Variants in SPATA6L observed in about 807,000 individuals in gnomAD.
SPATA6L encodes spermatogenesis associated 6-like protein.
In SPATA6L, 68 loss-of-function variants were observed where a neutral mutation model predicts 49.2. The ratio of observed to expected loss-of-function variants is 1.38; its 90% CI spans 1.14 to 1.69. The LOEUF (loss-of-function observed/expected upper bound fraction) is 1.69. SPATA6L is among the 40% of genes most tolerant of loss of function. SPATA6L has a pLI of 0.00. For missense variants in SPATA6L, 668 were observed against 464.3 expected (o/e 1.44, Z -4.03); for synonymous variants, 198 against 165.7 (o/e 1.19, Z -1.50).
chr9:4,615,670 C>A (rs1827809326), intron 9 of SPATA6L, among the ~76,000 whole-genome samples: 1 of 152,170 alleles, frequency 6.6e-6, no homozygotes, highest in Non-Finnish European at 1.5e-5. Context: ...AGGTACCTAC[C>A]ACAATCTATC....
chr9:4,639,115 C>A (rs1483813842), intron 3 of SPATA6L, among the ~76,000 whole-genome samples: 1 of 152,146 alleles, frequency 6.6e-6, no homozygotes, highest in Non-Finnish European at 1.5e-5. Flanking sequence ...AATGACAAAG[C>A]CATGTAGAAT....
At chr9:4,636,008 A>G (rs750655583) in intron 3 of SPATA6L, among the ~76,000 whole-genome samples, 2 of 152,234 alleles carry the variant, frequency 1.3e-5, no homozygotes, top group African/African-American at 2.4e-5. Flanking sequence ...TTCTGCAAAC[A>G]TTCTTGCAGG....
downstream of SPATA6L, among the ~76,000 whole-genome samples, chr9:4,593,856 G>A (rs2129951685): frequency 6.6e-6 from 1 of 152,064 alleles, no homozygotes; most frequent in Admixed American, 6.6e-5. Flanking sequence ...CCTTACTGTG[G>A]GTCTCATCTC....
intron 3 of SPATA6L, among the ~76,000 whole-genome samples, chr9:4,638,171 G>C (rs1833186503): frequency 6.9e-6 from 1 of 144,954 alleles, no homozygotes; most frequent in Admixed American, 6.8e-5. Flanking sequence ...AAGAGATAGA[G>C]AGGCTAGGAA....
intron 7 of SPATA6L, among the ~76,000 whole-genome samples, chr9:4,620,737 T>C (rs1298230065): frequency 6.6e-6 from 1 of 152,160 alleles, no homozygotes; most frequent in Non-Finnish European, 1.5e-5. Context: ...GTTCTCCACA[T>C]GCCAGGATTA....
rs373816356 is a variant in SPATA6L, at chr9:4,620,522, C to G, written c.773-1624G>C. 1.5e-4 allele frequency among the ~76,000 whole-genome samples: 23 copies of G among 152,318 alleles called. No homozygotes were observed. In the East Asian group the frequency reaches 1.5e-3, roughly 10 times the overall value. On this transcript the variant is annotated intron_variant, in intron 7 of 11. Transcript: ENST00000682582. Reference sequence around the variant, plus strand: ...ACAAGAGCCCCAGGTGATTCAACTGCACATTCAGGTTTGAGAAGCACTGCT... The same window carrying G: ...ACAAGAGCCCCAGGTGATTCAACTGGACATTCAGGTTTGAGAAGCACTGCT...
At chr9:4,648,326 C>T (rs1320677689) in intron 3 of SPATA6L, among the ~76,000 whole-genome samples, 3 of 152,134 alleles carry the variant, frequency 2.0e-5, no homozygotes, top group Admixed American at 1.3e-4. Context: ...AATTTAAGCA[C>T]TTAGTTTGAT....
intron 3 of SPATA6L, among the ~76,000 whole-genome samples, chr9:4,652,424 C>G (rs564795168): frequency 6.6e-6 from 1 of 152,050 alleles, no homozygotes; most frequent in South Asian, 2.1e-4. Flanking sequence ...TCAATTGGAT[C>G]TCTATAAACT....
Position 4,660,973 on chromosome 9 carries a change from T to C in SPATA6L, c.177+926A>G, listed in dbSNP as rs1244789791. ...GCATGTTCTCACTGATAGGTGGGAA[T>C]TGAACAATGACAACACTTGGACACA... On this transcript the variant is annotated intron_variant, in intron 2 of 11. Transcript: ENST00000682582. 4.6e-5 allele frequency among the ~76,000 whole-genome samples: 7 copies of C among 152,050 alleles called. No homozygotes were observed. In the South Asian group the frequency reaches 8.3e-4, roughly 18 times the overall value.
chr9:4,656,241 C>G (rs147535185), intron 2 of SPATA6L, 152 bp from the exon 3 acceptor site: 4 of 601,186 alleles, frequency 6.7e-6, no homozygotes, highest in African/African-American at 5.7e-5. Context: ...GAGTTTCAGA[C>G]CAGCCTGGGC....
intron 6 of SPATA6L, among the ~76,000 whole-genome samples, chr9:4,623,394 A>G (rs773259517): frequency 5.9e-5 from 9 of 152,182 alleles, no homozygotes; most frequent in Non-Finnish European, 1.2e-4. Context: ...TGATCTGCAA[A>G]CAGGTCAAAA....
At chr9:4,646,359 C>A (rs1835371850) in intron 3 of SPATA6L, 2 of 521,356 alleles carry the variant, frequency 3.8e-6, no homozygotes, top group Non-Finnish European at 3.2e-6. Context: ...GTTATATAAA[C>A]TTACAGACAC....
chr9:4,637,234 T>C lies in SPATA6L; in HGVS notation c.227-1835A>G, dbSNP rs147368636. On this transcript the variant is annotated intron_variant, in intron 3 of 11. Coordinates refer to ENST00000682582, the MANE Select transcript of SPATA6L (RefSeq NM_001353486.2). ...TCCTCCACATAACGGTTTTGCCTTA[T>C]TGTTCTTCCTCCCTCTAAGGTTCCC... Among the ~76,000 whole-genome samples, 102 of 152,298 alleles carry C rather than the reference T, an allele frequency of 6.7e-4. 2 individuals are homozygous for C. In the South Asian group the frequency reaches 0.017, roughly 25 times the overall value.
Position 4,638,338 on chromosome 9 carries a change from AG to A in SPATA6L, c.227-2940del, listed in dbSNP as rs551788310. 2.6e-5 allele frequency among the ~76,000 whole-genome samples: 4 copies of A among 152,118 alleles called. No homozygotes were observed. The South Asian group carries it at 8.3e-4, about 32-fold the overall frequency. ...GTGATTCTCTTGCCTCAGCCTCCCA[AG>A]CAGCTGGGACTAGAGGCACCCCGCC... On this transcript the variant is annotated intron_variant, in intron 3 of 11. Coordinates refer to ENST00000682582, the MANE Select transcript of SPATA6L (RefSeq NM_001353486.2).
At chr9:4,636,744 T>A (rs577162387) in intron 3 of SPATA6L, among the ~76,000 whole-genome samples, 1 of 152,348 alleles carries the variant, frequency 6.6e-6, no homozygotes, top group East Asian at 1.9e-4. Flanking sequence ...CCATTTAATA[T>A]TAATGTTTCA....
At chr9:4,596,223 G>A (rs968199774), downstream of SPATA6L, among the ~76,000 whole-genome samples, 1 of 152,082 alleles carries the variant, frequency 6.6e-6, no homozygotes, top group Admixed American at 6.6e-5. Flanking sequence ...GACCCCACAG[G>A]GTCCTGCGCA....
Position 4,661,916 on chromosome 9 carries a change from T to C in SPATA6L, c.160A>G (p.Ser54Gly). ...AAGATCACCTTTTCAAATCTCATGC[T>C]CTCCTGAATCATAATGGGGAACGCA... ...PSAFPIMIQE[S>G]MRFEKVFESA... The change falls in exon 2 of 12, where the codon AGC becomes GGC. Residue 54 changes from serine (S) to glycine (G), a missense_variant. Transcript: ENST00000682582. 1 of 1,613,798 alleles carries C rather than the reference T, an allele frequency of 6.2e-7. No homozygotes were observed.
chr9:4,605,292 C>A (rs1434852466), intron 10 of SPATA6L, 55 bp downstream of exon 10: 2 of 1,349,738 alleles, frequency 1.5e-6, no homozygotes, highest in South Asian at 1.2e-5. Context: ...GACTGTAGGT[C>A]CCTGTTCACA....
At chr9:4,659,847 C>T (rs964051000) in intron 2 of SPATA6L, among the ~76,000 whole-genome samples, 1 of 152,156 alleles carries the variant, frequency 6.6e-6, no homozygotes, top group African/African-American at 2.4e-5. Context: ...ACCAATGGAA[C>T]AGAACAGAGG....
Sources: allele counts gnomAD v4.1 joint callset (sites outside exome capture counted in the v4.1 genomes callset), GRCh38; gene constraint gnomAD v4.1.1; transcripts MANE v1.5; gene names NCBI Gene and HGNC (gene_info 2026-07-23, HGNC 2026-07-21).